The following TCF4 variants were observed in gnomAD, a reference collection of about 807,000 sequenced individuals.
TCF4 encodes the protein transcription factor 4, also known as SL3-3 enhancer factor 2.
Under a neutral mutation model 82.1 loss-of-function variants are expected in TCF4, and 3 were observed. The observed-to-expected ratio is 0.04, with a 90% CI of 0.02 to 0.09. TCF4 has a LOEUF of 0.09. TCF4 is among the 10% of genes least tolerant of loss of function. TCF4 has a pLI of 1.00. For missense variants in TCF4, 518 were observed against 852.7 expected, an observed-to-expected ratio of 0.61 and a Z score of 4.89; for synonymous variants, 276 against 309.6, an observed-to-expected ratio of 0.89 and a Z score of 1.14.
chr18:55,228,971 G>A lies in TCF4; in HGVS notation c.1755C>T (p.Asn585=). The stretch of plus-strand genomic sequence containing the variant: ...TGCGGCCGAGCTCTTTGAAAGCCTC[G>A]TTGATGTCACGGACCCGCAGACGCT... ...ARERLRVRDI[N]EAFKELGRMV... is the part of the protein sequence containing the mutation. Residue 585 remains asparagine (N), a synonymous_variant, in exon 18 of 20, where the codon AAC becomes AAT. Transcript: ENST00000354452. The A allele has an allele frequency of 3.1e-6, 5 of 1,614,170 alleles. No homozygotes were observed. Among genetic ancestry groups the A allele is most frequent in the Middle Eastern group, 1.6e-4 (1 of 6,062 alleles).
intron 8 of TCF4, among the ~76,000 whole-genome samples, chr18:55,317,510 G>A (rs1037204319): frequency 1.3e-5 from 2 of 151,930 alleles, no homozygotes; most frequent in African/African-American, 4.8e-5. Flanking sequence ...ATGTGTGGCT[G>A]TTCCAACCAA....
intron 2 of TCF4, among the ~76,000 whole-genome samples, chr18:55,623,503 G>A (rs943004075): frequency 2.6e-5 from 4 of 152,084 alleles, no homozygotes; most frequent in African/African-American, 9.7e-5. Context: ...ATCTTGCAAT[G>A]GAAGTATGAA....
intron 8 of TCF4, among the ~76,000 whole-genome samples, chr18:55,285,664 A>C (rs1261121): frequency 0.037 from 5,711 of 152,310 alleles, 364 homozygotes; most frequent in African/African-American, 0.13. Context: ...CATCACAAAA[A>C]GGTCTACCGG....
At position 55,588,039 on chromosome 18, in the gene TCF4, G is replaced by A. The variant is rs1217387501; in HGVS notation, c.-22C>T. 1.2e-5 allele frequency: 12 copies of A among 982,642 alleles called. No homozygotes were observed. Among genetic ancestry groups the A allele is most frequent in the Non-Finnish European group, 1.4e-5 (12 of 828,938 alleles). The allele number at this position is 982,642 out of a possible 1,614,324, so 60.9% of individuals were successfully genotyped here. A position where few individuals can be genotyped will look rare whatever the true frequency, so the allele number is the denominator to read the frequency against. On this transcript the variant is annotated splice_region_variant and 5_prime_UTR_variant, in exon 1 of 20. Transcript: ENST00000354452. ...AGCCCCGCAGGCGCCGGTACCTACCGCCCGCGCGCGAGAAGGGGCTCTCCG... is the reference window on the plus strand; with the variant it reads ...AGCCCCGCAGGCGCCGGTACCTACCACCCGCGCGCGAGAAGGGGCTCTCCG...
intron 8 of TCF4, among the ~76,000 whole-genome samples, chr18:55,294,011 G>C (rs1469611493): frequency 1.6e-5 from 2 of 122,376 alleles, no homozygotes; most frequent in East Asian, 5.3e-4. Context: ...TGTAATCCCA[G>C]GACTTTGGGA....
chr18:55,609,975 T>C (rs897407784), intron 2 of TCF4, among the ~76,000 whole-genome samples: 1 of 152,126 alleles, frequency 6.6e-6, no homozygotes, highest in Non-Finnish European at 1.5e-5. Flanking sequence ...GTTTTACTTA[T>C]TTGCTTATTT....
At chr18:55,368,967 T>C (rs1489772585) in intron 6 of TCF4, among the ~76,000 whole-genome samples, 1 of 152,186 alleles carries the variant, frequency 6.6e-6, no homozygotes, top group Non-Finnish European at 1.5e-5. Context: ...AGGGGGCTTA[T>C]TTGTTAGAGA....
At chr18:55,611,851 C>A (rs2097707334) in intron 2 of TCF4, among the ~76,000 whole-genome samples, 1 of 152,112 alleles carries the variant, frequency 6.6e-6, no homozygotes, top group Admixed American at 6.6e-5. Context: ...TCACTGCAAC[C>A]TCTGCCTCTC....
At chr18:55,432,221 T>C (rs1219871220) in intron 5 of TCF4, among the ~76,000 whole-genome samples, 2 of 152,262 alleles carry the variant, frequency 1.3e-5, no homozygotes, top group East Asian at 1.9e-4. Context: ...CAGAATCACT[T>C]GAACCCAGGA....
chr18:55,351,894 A>T, intron 6 of TCF4: 1 of 867,766 alleles, frequency 1.2e-6, no homozygotes, highest in Non-Finnish European at 1.4e-6. Flanking sequence ...TACCATTTAT[A>T]TTAAGAACAA....
At chr18:55,473,038 T>C (rs1282175174) in intron 3 of TCF4, among the ~76,000 whole-genome samples, 2 of 152,224 alleles carry the variant, frequency 1.3e-5, no homozygotes, top group Non-Finnish European at 2.9e-5. Flanking sequence ...TTTCAAACCA[T>C]ACATGTAATA....
chr18:55,299,546 T>C (rs1468690170), intron 8 of TCF4, among the ~76,000 whole-genome samples: 3 of 151,946 alleles, frequency 2.0e-5, no homozygotes, highest in African/African-American at 7.3e-5. Flanking sequence ...TACCACATTA[T>C]TGTTTCAAAT....
chr18:55,492,268 T>C (rs1185889444), intron 3 of TCF4: 1 of 152,226 alleles, frequency 6.6e-6, no homozygotes, highest in African/African-American at 2.4e-5. Flanking sequence ...GCTTAAAGGA[T>C]TGATTCTAGA....
intron 3 of TCF4, among the ~76,000 whole-genome samples, chr18:55,505,235 T>A (rs1443481878): frequency 6.6e-6 from 1 of 152,216 alleles, no homozygotes; most frequent in Non-Finnish European, 1.5e-5. Flanking sequence ...ATGGCGCTAA[T>A]TTCACAAGAA....
intron 2 of TCF4, among the ~76,000 whole-genome samples, chr18:55,603,644 A>G (rs2097699469): frequency 6.6e-6 from 1 of 152,216 alleles, no homozygotes; most frequent in Non-Finnish European, 1.5e-5. Context: ...ATAAACTAAT[A>G]GTAAAAATGA....
At chr18:55,354,177 A>G (rs945502236) in intron 6 of TCF4, among the ~76,000 whole-genome samples, 2 of 152,172 alleles carry the variant, frequency 1.3e-5, no homozygotes, top group Admixed American at 6.6e-5. Flanking sequence ...AAATACTGTA[A>G]CCAAAGAATA....
At chr18:55,276,890 T>C (rs1421390005) in intron 9 of TCF4, among the ~76,000 whole-genome samples, 1 of 152,140 alleles carries the variant, frequency 6.6e-6, no homozygotes, top group Non-Finnish European at 1.5e-5. Flanking sequence ...AATCCGGAAG[T>C]TAGAATTTTG....
intron 2 of TCF4, chr18:55,586,797 G>C: frequency 2.1e-6 from 1 of 468,426 alleles, no homozygotes; most frequent in East Asian, 4.1e-5. Context: ...TCCATTATTT[G>C]GGGTAATCAG....
chr18:55,234,833 C>A lies in TCF4; in HGVS notation c.1351-150G>T, dbSNP rs111929143. ...AGAGGGCGCTGAAGGACCGCACATG[C>A]ACCTATAGTTCCCGGCGAAAACACT... is the stretch of plus-strand genomic sequence containing the variant. On this transcript the variant is annotated intron_variant, in intron 15 of 19. Transcript: ENST00000354452. 31 of 1,051,884 alleles carry A rather than the reference C, an allele frequency of 2.9e-5. 1 individual carries two copies. Among genetic ancestry groups the A allele is most frequent in the Non-Finnish European group, 4.4e-5 (31 of 698,218 alleles). The allele number at this position is 1,051,884 out of a possible 1,614,324, so 65.2% of individuals were successfully genotyped here.
Sources: allele counts gnomAD v4.1 joint callset (sites outside exome capture counted in the v4.1 genomes callset), GRCh38; gene constraint gnomAD v4.1.1; transcripts MANE v1.5; gene names NCBI Gene and HGNC (gene_info 2026-07-23, HGNC 2026-07-21).